SEZ6L: variants seen among roughly 807,000 people sequenced by gnomAD.
SEZ6L encodes seizure related 6 homolog like.
In SEZ6L, 37 loss-of-function variants were observed where a neutral mutation model predicts 106.2. That is an observed-to-expected ratio of 0.35 (90% CI 0.27 to 0.46). The LOEUF (loss-of-function observed/expected upper bound fraction) is 0.46. Among genes scored for constraint, SEZ6L ranks in the 20% least tolerant of loss-of-function variants. The pLI, the probability that SEZ6L is intolerant of heterozygous loss-of-function variation, is 1.00. For synonymous variants in SEZ6L, 541 were observed against 570.4 expected, an observed-to-expected ratio of 0.95 and a Z score of 0.73; for missense variants, 1,172 against 1,332.8, an observed-to-expected ratio of 0.88 and a Z score of 1.88.
At chr22:26,234,022 C>A (rs138237594) in intron 1 of SEZ6L, among the ~76,000 whole-genome samples, 34 of 152,278 alleles carry the variant, frequency 2.2e-4, no homozygotes, top group African/African-American at 7.7e-4. Flanking sequence ...CAGGAGTAGT[C>A]AGTTCACATG....
intron 12 of SEZ6L, chr22:26,351,474 C>T (rs1474991545): frequency 1.2e-5 from 6 of 486,882 alleles, no homozygotes; most frequent in Non-Finnish European, 2.2e-5. Context: ...TTCACTCTTT[C>T]TTCCTCAAGT....
chr22:26,326,466 G>A (rs1259230415), intron 9 of SEZ6L, among the ~76,000 whole-genome samples: 5 of 152,150 alleles, frequency 3.3e-5, no homozygotes. Flanking sequence ...AAATACTCAC[G>A]TGCCCTTACC....
intron 9 of SEZ6L, among the ~76,000 whole-genome samples, chr22:26,316,521 AG>A (rs151185871): frequency 0.036 from 5,553 of 152,192 alleles, 365 homozygotes; most frequent in African/African-American, 0.13. Flanking sequence ...GAAGGTAGGC[AG>A]GTGACGAGGG....
chr22:26,242,124 G>C (rs1001191124), intron 1 of SEZ6L, among the ~76,000 whole-genome samples: 3 of 152,226 alleles, frequency 2.0e-5, no homozygotes, highest in Non-Finnish European at 2.9e-5. Flanking sequence ...ATTCAGACTT[G>C]CTGCCCAGGC....
intron 1 of SEZ6L, among the ~76,000 whole-genome samples, chr22:26,245,998 A>G (rs28610336): frequency 0.023 from 3,495 of 152,368 alleles, 132 homozygotes; most frequent in African/African-American, 0.08. Flanking sequence ...CCATGCAAAA[A>G]TGAGTTTTCG....
intron 1 of SEZ6L, among the ~76,000 whole-genome samples, chr22:26,216,542 G>T (rs1350105437): frequency 2.0e-5 from 3 of 152,172 alleles, no homozygotes; most frequent in African/African-American, 7.2e-5. Flanking sequence ...TGTAATCCCA[G>T]TTAATCAGGA....
chr22:26,342,720 T>C (rs949942795), intron 10 of SEZ6L, among the ~76,000 whole-genome samples: 2 of 149,158 alleles, frequency 1.3e-5, no homozygotes, highest in South Asian at 2.2e-4. Flanking sequence ...AAGAAAAGAA[T>C]TGTCCATCTC....
chr22:26,219,567 A>G (rs565853203), intron 1 of SEZ6L, among the ~76,000 whole-genome samples: 1 of 152,290 alleles, frequency 6.6e-6, no homozygotes, highest in Non-Finnish European at 1.5e-5. Flanking sequence ...CAAGCCAGTA[A>G]ATTAACCACT....
At chr22:26,174,857 T>C (rs111686508) in intron 1 of SEZ6L, among the ~76,000 whole-genome samples, 138 of 152,298 alleles carry the variant, frequency 9.1e-4, no homozygotes, top group African/African-American at 3.2e-3. Flanking sequence ...TATTGAGTGT[T>C]GATTTTGTGC....
rs779522602 is a variant in SEZ6L at position 26,271,564 on chromosome 22, G to GATGA, written c.95-20837_95-20834dup. Among the ~76,000 whole-genome samples the GATGA allele has an allele frequency of 7.2e-5, 11 of 152,312 alleles. No individual in the cohort carries two copies. In the East Asian group the frequency reaches 1.2e-3, roughly 16 times the overall value. On this transcript the variant is annotated intron_variant, in intron 1 of 16. Coordinates refer to ENST00000248933, the MANE Select transcript of SEZ6L (RefSeq NM_021115.5). ...AATGGCTTGGCGTCTTTCCCTTGGT[G>GATGA]ATGAATGAGTTCTCACTCAGTCAGT...
Position 26,289,332 on chromosome 22 carries a change from G to A in SEZ6L, c.95-3074G>A, listed in dbSNP as rs1332632583. On this transcript the variant is annotated intron_variant, in intron 1 of 16. Transcript: ENST00000248933. ...TCAACATCAATCATTTTAGAAAAGCGACAGTGAGCATAAAAGCCATTGTTT... is the reference window on the plus strand; with the variant it reads ...TCAACATCAATCATTTTAGAAAAGCAACAGTGAGCATAAAAGCCATTGTTT... 6.6e-5 allele frequency among the ~76,000 whole-genome samples: 10 copies of A among 152,152 alleles called. No individual in the cohort carries two copies. The East Asian group carries it at 1.5e-3, about 23-fold the overall frequency.
At chr22:26,341,086 T>G (rs1413550241) in intron 10 of SEZ6L, among the ~76,000 whole-genome samples, 1 of 152,208 alleles carries the variant, frequency 6.6e-6, no homozygotes, top group African/African-American at 2.4e-5. Context: ...GTCTTCACCT[T>G]CTTGCCCGAA....
chr22:26,261,074 G>C (rs1028694093), intron 1 of SEZ6L, among the ~76,000 whole-genome samples: 5 of 145,230 alleles, frequency 3.4e-5, no homozygotes, highest in African/African-American at 1.3e-4. Flanking sequence ...ACTTTTTGAT[G>C]GGATTATTTG....
intron 1 of SEZ6L, among the ~76,000 whole-genome samples, chr22:26,194,721 G>C (rs1940468934): frequency 6.6e-6 from 1 of 152,166 alleles, no homozygotes; most frequent in Admixed American, 6.5e-5. Context: ...TTGAATCCCA[G>C]CTCCTCCACT....
chr22:26,212,698 C>T (rs1021885654), intron 1 of SEZ6L, among the ~76,000 whole-genome samples: 6 of 152,192 alleles, frequency 3.9e-5, no homozygotes, highest in African/African-American at 1.4e-4. Flanking sequence ...GGTGGGATTA[C>T]AGGTGTGAGC....
chr22:26,174,940 T>C (rs1938876451), intron 1 of SEZ6L, among the ~76,000 whole-genome samples: 1 of 152,198 alleles, frequency 6.6e-6, no homozygotes, highest in Non-Finnish European at 1.5e-5. Context: ...AGAGATGCAG[T>C]TGTTATCTGC....
intron 1 of SEZ6L, among the ~76,000 whole-genome samples, chr22:26,262,317 GAGA>G (rs1041475704): frequency 4.1e-4 from 60 of 147,138 alleles, no homozygotes; most frequent in Non-Finnish European, 7.2e-4. Context: ...CCCTTCTTGT[GAGA>G]AGAAGAACAT....
At chr22:26,367,109 T>A (rs1421108343) in intron 13 of SEZ6L, among the ~76,000 whole-genome samples, 3 of 152,122 alleles carry the variant, frequency 2.0e-5, no homozygotes, top group Non-Finnish European at 4.4e-5. Flanking sequence ...GGAACGTCCA[T>A]AACGAACTAA....
chr22:26,198,264 C>A (rs151075861), intron 1 of SEZ6L, among the ~76,000 whole-genome samples: 1 of 152,312 alleles, frequency 6.6e-6, no homozygotes, highest in Non-Finnish European at 1.5e-5. Context: ...TGAGGCTAGT[C>A]TTAAAGGCTT....
Sources: allele counts gnomAD v4.1 joint callset (sites outside exome capture counted in the v4.1 genomes callset), GRCh38; gene constraint gnomAD v4.1.1; transcripts MANE v1.5; gene names NCBI Gene and HGNC (gene_info 2026-07-23, HGNC 2026-07-21).